TMEM131: variants seen among roughly 807,000 people sequenced by gnomAD.
The protein encoded by TMEM131 is 2610524E03Rik.
A neutral mutation model predicts 211.6 loss-of-function variants in TMEM131; 66 were observed. The ratio of observed to expected loss-of-function variants is 0.31; its 90% confidence interval spans 0.26 to 0.38. TMEM131 has a LOEUF of 0.38. Among genes scored for constraint, TMEM131 ranks in the 10% least tolerant of loss-of-function variants. The pLI is 1.00. For synonymous variants in TMEM131, 844 were observed against 841.3 expected, an observed-to-expected ratio of 1.00 and a Z score of -0.06; for missense variants, 2,036 against 2,299.3, an observed-to-expected ratio of 0.89 and a Z score of 2.34.
At chr2:97,769,786 C>A (rs1173104556) in intron 33 of TMEM131, among the ~76,000 whole-genome samples, 1 of 152,210 alleles carries the variant, frequency 6.6e-6, no homozygotes, top group Non-Finnish European at 1.5e-5. Context: ...ATCTGATTCC[C>A]ATTCCTTGGC....
chr2:97,809,861 T>G, intron 18 of TMEM131, 87 bp from the exon 19 acceptor site: 6 of 999,326 alleles, frequency 6.0e-6, no homozygotes, highest in African/African-American at 1.6e-5. Context: ...GGGGTTAACC[T>G]AATTTTGGGA....
Position 97,954,768 on chromosome 2 carries a change from T to C in TMEM131, c.188-27281A>G, listed in dbSNP as rs529643169. On this transcript the variant is annotated intron_variant, in intron 1 of 40. Coordinates refer to ENST00000186436, the MANE Select transcript of TMEM131 (RefSeq NM_015348.2). ...TTGCAGTCAGCTGAGATCACGGCAT[T>C]GCACTTCAGCCTGGGAGACAAGAGT... 6.1e-5 allele frequency among the ~76,000 whole-genome samples: 8 copies of C among 130,160 alleles called. No homozygotes were observed. The East Asian group carries it at 1.7e-3, about 28-fold the overall frequency. 85.4% of individuals were successfully genotyped at this position (130,160 alleles called of 152,430 possible). A position where few individuals can be genotyped will look rare whatever the true frequency, so the allele number is the denominator to read the frequency against.
At chr2:97,992,187 A>G (rs1474412559) in intron 1 of TMEM131, among the ~76,000 whole-genome samples, 1 of 152,262 alleles carries the variant, frequency 6.6e-6, no homozygotes, top group Non-Finnish European at 1.5e-5. Flanking sequence ...TTATCGAGTA[A>G]TAAGTAGGTT....
At chr2:97,889,070 T>C (rs1384008947) in intron 3 of TMEM131, among the ~76,000 whole-genome samples, 1 of 152,162 alleles carries the variant, frequency 6.6e-6, no homozygotes, top group East Asian at 1.9e-4. Context: ...GACAAGGACA[T>C]TCATAATATG....
intron 1 of TMEM131, among the ~76,000 whole-genome samples, chr2:97,944,196 A>T (rs1437465545): frequency 6.6e-6 from 1 of 152,202 alleles, no homozygotes; most frequent in Non-Finnish European, 1.5e-5. Flanking sequence ...TTCGGCACTC[A>T]ATTGATGAAT....
intron 1 of TMEM131, among the ~76,000 whole-genome samples, chr2:97,969,474 T>C (rs888642145): frequency 6.6e-5 from 10 of 152,238 alleles, no homozygotes; most frequent in Non-Finnish European, 1.0e-4. Flanking sequence ...TAACTGCCTG[T>C]ATTATTTATG....
At chr2:97,901,017 A>T (rs1675830517) in intron 3 of TMEM131, among the ~76,000 whole-genome samples, 1 of 152,182 alleles carries the variant, frequency 6.6e-6, no homozygotes, top group Non-Finnish European at 1.5e-5. Flanking sequence ...AAACATATAC[A>T]TTCAACAATA....
At chr2:97,759,351 A>T (rs1290217879) in intron 39 of TMEM131, 1 of 525,590 alleles carries the variant, frequency 1.9e-6, no homozygotes, top group Non-Finnish European at 3.4e-6. Flanking sequence ...CAAGAAGAGG[A>T]CCCCTGGCAC....
At chr2:97,902,391 C>G (rs901110682) in intron 3 of TMEM131, among the ~76,000 whole-genome samples, 1 of 152,070 alleles carries the variant, frequency 6.6e-6, no homozygotes, top group Admixed American at 6.6e-5. Flanking sequence ...TTACTGTAGA[C>G]AGATAACTGG....
chr2:97,847,194 A>G (rs1032310259), intron 5 of TMEM131, among the ~76,000 whole-genome samples: 13 of 152,006 alleles, frequency 8.6e-5, no homozygotes, highest in African/African-American at 3.1e-4. Flanking sequence ...TCTCAAAAAT[A>G]AAGTGCAAAG....
At position 97,796,410 on chromosome 2, in the gene TMEM131, G is replaced by A; in HGVS notation, c.3014-6C>T. 1.3e-6 allele frequency: 2 copies of A among 1,489,878 alleles called. No individual in the cohort carries two copies. Among genetic ancestry groups the A allele is most frequent in the Non-Finnish European group, 1.8e-6 (2 of 1,115,488 alleles). The allele number at this position is 1,489,878 out of a possible 1,614,324, so 92.3% of individuals were successfully genotyped here. A position where few individuals can be genotyped will look rare whatever the true frequency, so the allele number is the denominator to read the frequency against. ...TGGTTCTCTTAGTTTTAAACCTAAA[G>A]GATAAAAAATCAGGAATAAGACTAA... On this transcript the variant is annotated splice_region_variant and splice_polypyrimidine_tract_variant and intron_variant, in intron 27 of 40. Transcript: ENST00000186436.
Position 97,943,037 on chromosome 2 carries a change from AAAAGAAAGAAAGAAAGAAAGAAAGAAAG to A in TMEM131, c.188-15578_188-15551del, listed in dbSNP as rs71394401. 1.3e-3 allele frequency among the ~76,000 whole-genome samples: 84 copies of A among 66,016 alleles called. 2 individuals are homozygous for A. The highest frequency in any genetic ancestry group is 9.4e-3 in the Admixed American group (71 of 7,522). 43.3% of individuals were successfully genotyped at this position (66,016 alleles called of 152,430 possible). A position where few individuals can be genotyped will look rare whatever the true frequency, so the allele number is the denominator to read the frequency against. On this transcript the variant is annotated intron_variant, in intron 1 of 40. Transcript: ENST00000186436. ...AAAAGAAAAGAAAAGAAAAGAAAAG[AAAAGAAAGAAAGAAAGAAAGAAAGAAAG>A]AAAGAAAGAAAGAAAGAAAGAAAGA...
chr2:97,977,258 A>G (rs1006310016), intron 1 of TMEM131, among the ~76,000 whole-genome samples: 7 of 152,228 alleles, frequency 4.6e-5, no homozygotes, highest in Non-Finnish European at 2.9e-5. Flanking sequence ...ATCCTTGTAA[A>G]TATGTATCTC....
At chr2:97,882,514 C>A (rs1186976848) in intron 4 of TMEM131, among the ~76,000 whole-genome samples, 1 of 152,214 alleles carries the variant, frequency 6.6e-6, no homozygotes, top group Admixed American at 6.5e-5. Flanking sequence ...CAAGAGGCTT[C>A]AAACAGCAGC....
At chr2:97,771,514 A>G (rs921395882) in intron 33 of TMEM131, among the ~76,000 whole-genome samples, 3 of 152,166 alleles carry the variant, frequency 2.0e-5, no homozygotes, top group African/African-American at 7.2e-5. Context: ...ATTTACACCT[A>G]ATTTATTCGA....
intron 4 of TMEM131, among the ~76,000 whole-genome samples, chr2:97,863,355 T>C (rs72815695): frequency 0.013 from 2,010 of 152,266 alleles, 21 homozygotes; most frequent in Non-Finnish European, 0.023. Flanking sequence ...TCTTGAGTAA[T>C]ACTCCGCAAG....
chr2:97,938,717 G>A (rs1677567566), intron 1 of TMEM131, among the ~76,000 whole-genome samples: 1 of 152,170 alleles, frequency 6.6e-6, no homozygotes, highest in Admixed American at 6.5e-5. Flanking sequence ...CAAATCAACA[G>A]AATATATGTT....
intron 1 of TMEM131, among the ~76,000 whole-genome samples, chr2:97,959,558 C>CGT (rs34560570): frequency 0.3 from 45,500 of 150,070 alleles, 7,490 homozygotes; most frequent in African/African-American, 0.42. Flanking sequence ...TATATGTCTG[C>CGT]GTGTGTGTGT....
chr2:97,880,854 C>G (rs150030689), intron 4 of TMEM131, among the ~76,000 whole-genome samples: 1 of 152,102 alleles, frequency 6.6e-6, no homozygotes, highest in Non-Finnish European at 1.5e-5. Flanking sequence ...GAACATAAAC[C>G]CTTGAAAGAT....
Sources: allele counts gnomAD v4.1 joint callset (sites outside exome capture counted in the v4.1 genomes callset), GRCh38; gene constraint gnomAD v4.1.1; transcripts MANE v1.5; gene names NCBI Gene and HGNC (gene_info 2026-07-23, HGNC 2026-07-21).